Variants in CCSER2 observed in about 807,000 individuals in gnomAD.
CCSER2 encodes coiled-coil serine rich protein 2.
In CCSER2, 46 loss-of-function variants were observed where a neutral mutation model predicts 92.3. That is an observed-to-expected ratio of 0.50 (90% CI 0.39 to 0.64). CCSER2 has a LOEUF of 0.64. Among genes scored for constraint, CCSER2 ranks in the 30% least tolerant of loss-of-function variants. The pLI is 0.00. For missense variants in CCSER2, 1,244 were observed against 1,238.9 expected, an observed-to-expected ratio of 1.00 and a Z score of -0.06; for synonymous variants, 433 against 431.4, an observed-to-expected ratio of 1.00 and a Z score of -0.04.
At chr10:84,477,773 A>G (rs1362946972) in intron 9 of CCSER2, 109 bp downstream of exon 9, 1 of 613,934 alleles carries the variant, frequency 1.6e-6, no homozygotes, top group African/African-American at 1.9e-5. Flanking sequence ...CATGGCTGTT[A>G]ATTTTTTTGT....
intron 3 of CCSER2, among the ~76,000 whole-genome samples, chr10:84,381,673 A>G (rs968146753): frequency 7.9e-5 from 12 of 152,034 alleles, no homozygotes; most frequent in Non-Finnish European, 1.8e-4. Flanking sequence ...CATGCCTGTA[A>G]TCCCAGCACT....
At chr10:84,412,228 A>G (rs1246211319) in intron 3 of CCSER2, among the ~76,000 whole-genome samples, 1 of 152,142 alleles carries the variant, frequency 6.6e-6, no homozygotes, top group Non-Finnish European at 1.5e-5. Context: ...ATGTTCATCA[A>G]GGATATTGGC....
rs372276917 is a variant in CCSER2 at position 84,372,027 on chromosome 10, T to C, written c.975T>C (p.Ser325=). ...YRMVHPSLLK[S]SRSPFSGTMT... ...TGGTTCATCCCTCTCTACTGAAATCTAGCCGATCTCCATTTTCTGGGACTA... is the reference window on the plus strand; with the variant it reads ...TGGTTCATCCCTCTCTACTGAAATCCAGCCGATCTCCATTTTCTGGGACTA... Residue 325 remains serine, a synonymous_variant, in exon 2 of 10, where the codon TCT becomes TCC. Transcript: ENST00000372088. The C allele has an allele frequency of 6.2e-7, 1 of 1,613,884 alleles. No individual in the cohort carries two copies. Among genetic ancestry groups the C allele is most frequent in the Non-Finnish European group, 8.5e-7 (1 of 1,179,844 alleles).
chr10:84,442,559 ATG>A (rs1372528612), intron 6 of CCSER2, among the ~76,000 whole-genome samples: 2 of 152,240 alleles, frequency 1.3e-5, no homozygotes, highest in Admixed American at 1.3e-4. Flanking sequence ...GATGGTAAGA[ATG>A]TAATTTCTTT....
Position 84,427,257 on chromosome 10 carries a change from G to A in CCSER2, c.1868+1364G>A, listed in dbSNP as rs376504699. On this transcript the variant is annotated intron_variant, in intron 5 of 9. Transcript: ENST00000372088. ...GAGGTACACTGGTTTGTTGTGAATG[G>A]TTATAGATTGATCCGTTTATTGAAA... is the stretch of plus-strand genomic sequence containing the variant. Among the ~76,000 whole-genome samples the A allele has an allele frequency of 3.7e-4, 57 of 152,260 alleles. No individual in the cohort carries two copies. The South Asian group carries it at 8.5e-3, about 23-fold the overall frequency.
At chr10:84,441,327 T>C (rs1385772609) in intron 6 of CCSER2, among the ~76,000 whole-genome samples, 1 of 152,200 alleles carries the variant, frequency 6.6e-6, no homozygotes, top group Non-Finnish European at 1.5e-5. Flanking sequence ...ATATTTTCAA[T>C]TTCCAAGAAC....
At chr10:84,457,259 A>AATATATAATATATTATATATT in intron 6 of CCSER2, among the ~76,000 whole-genome samples, 1 of 55,104 alleles carries the variant, frequency 1.8e-5, no homozygotes, top group East Asian at 6.1e-4. Flanking sequence ...TATTATATAA[A>AATATATAATATATTATATATT]ATATATTATA....
At chr10:84,342,395 G>T (rs910974589) in intron 1 of CCSER2, among the ~76,000 whole-genome samples, 1 of 152,154 alleles carries the variant, frequency 6.6e-6, no homozygotes. Context: ...TTACTGTTTA[G>T]ATAATTGTAA....
chr10:84,341,885 A>G (rs1264530960), intron 1 of CCSER2, among the ~76,000 whole-genome samples: 1 of 152,240 alleles, frequency 6.6e-6, no homozygotes, highest in Non-Finnish European at 1.5e-5. Context: ...TGAATAGGGT[A>G]GGTCATGGAA....
chr10:84,330,687 T>G (rs1270690001), intron 1 of CCSER2, among the ~76,000 whole-genome samples: 1 of 152,152 alleles, frequency 6.6e-6, no homozygotes, highest in Non-Finnish European at 1.5e-5. Context: ...TAATTTTTTT[T>G]TAGTAGAGAC....
intron 9 of CCSER2, among the ~76,000 whole-genome samples, chr10:84,509,402 A>AT (rs1386785488): frequency 6.6e-6 from 1 of 152,226 alleles, no homozygotes; most frequent in Non-Finnish European, 1.5e-5. Flanking sequence ...AGCATGGTAC[A>AT]TGCCTGAAAG....
intron 1 of CCSER2, among the ~76,000 whole-genome samples, chr10:84,330,009 C>T (rs1221682679): frequency 6.6e-6 from 1 of 152,204 alleles, no homozygotes; most frequent in Admixed American, 6.5e-5. Context: ...GTTAAGAAAG[C>T]ACTAGAAGCC....
chr10:84,368,609 A>G (rs141089583), intron 1 of CCSER2, among the ~76,000 whole-genome samples: 1 of 152,178 alleles, frequency 6.6e-6, no homozygotes, highest in African/African-American at 2.4e-5. Flanking sequence ...TTAGTAATTA[A>G]GGTTTTTCGA....
intron 1 of CCSER2, among the ~76,000 whole-genome samples, chr10:84,346,687 C>T (rs1844496060): frequency 6.6e-6 from 1 of 151,674 alleles, no homozygotes; most frequent in Non-Finnish European, 1.5e-5. Context: ...TAGTACATTT[C>T]AGAGAGCACA....
chr10:84,335,252 G>C (rs1180007129), intron 1 of CCSER2, among the ~76,000 whole-genome samples: 1 of 17,168 alleles, frequency 5.8e-5, no homozygotes, highest in African/African-American at 2.2e-4. Flanking sequence ...TTTTTTTTTT[G>C]AGACAGGGTC....
intron 5 of CCSER2, among the ~76,000 whole-genome samples, chr10:84,435,953 GAC>G (rs1319379518): frequency 6.6e-6 from 1 of 150,920 alleles, no homozygotes; most frequent in African/African-American, 2.4e-5. Context: ...TGGAGAGACT[GAC>G]AAAGACTACT....
chr10:84,513,374 C>T, intron 9 of CCSER2, 75 bp from the exon 10 acceptor site: 1 of 1,125,664 alleles, frequency 8.9e-7, no homozygotes, highest in Non-Finnish European at 1.3e-6. Flanking sequence ...ACCAACACAG[C>T]CTAATTGGTA....
intron 5 of CCSER2, among the ~76,000 whole-genome samples, chr10:84,433,287 T>G (rs970265477): frequency 1.3e-5 from 2 of 152,222 alleles, no homozygotes; most frequent in African/African-American, 4.8e-5. Flanking sequence ...TCTTAAAATG[T>G]TACCACAAAC....
At chr10:84,332,406 ATTTT>A (rs1192301220) in intron 1 of CCSER2, among the ~76,000 whole-genome samples, 3 of 96,316 alleles carry the variant, frequency 3.1e-5, no homozygotes, top group African/African-American at 8.1e-5. Flanking sequence ...TATTAAATTT[ATTTT>A]TTTATATATA....
Sources: gnomAD v4.1 joint callset for allele counts (sites outside exome capture counted in the v4.1 genomes callset) on GRCh38, gnomAD v4.1.1 for gene constraint, MANE v1.5 for transcripts, NCBI Gene and HGNC (gene_info 2026-07-23, HGNC 2026-07-21) for gene names.